Variants in RAF1 observed in about 807,000 individuals in gnomAD.
RAF1 encodes RAF proto-oncogene serine/threonine-protein kinase.
In RAF1, 27 loss-of-function variants were observed where a neutral mutation model predicts 81.1. The ratio of observed to expected loss-of-function variants is 0.33; its 90% confidence interval spans 0.25 to 0.46. The LOEUF is 0.46. RAF1 is among the 20% of genes least tolerant of loss of function. The pLI, the probability that RAF1 is intolerant of heterozygous loss-of-function variation, is 1.00. For synonymous variants in RAF1, 298 were observed against 294.0 expected, an observed-to-expected ratio of 1.01 and a Z score of -0.14; for missense variants, 598 against 826.0, an observed-to-expected ratio of 0.72 and a Z score of 3.38.
At chr3:12,603,285 T>G (rs1204151585) in intron 8 of RAF1, among the ~76,000 whole-genome samples, 1 of 151,864 alleles carries the variant, frequency 6.6e-6, no homozygotes, top group Non-Finnish European at 1.5e-5. Context: ...ACATACAACA[T>G]TTTTTTTACT....
chr3:12,608,329 C>T, intron 5 of RAF1: 1 of 158,742 alleles, frequency 6.3e-6, no homozygotes, highest in Admixed American at 6.1e-5. Flanking sequence ...AAGTTTTCTC[C>T]AGTTTGAAGT....
At chr3:12,623,686 C>G (rs1042843288) in intron 1 of RAF1, among the ~76,000 whole-genome samples, 1 of 151,056 alleles carries the variant, frequency 6.6e-6, no homozygotes, top group South Asian at 2.1e-4. Context: ...CCCAGCTACT[C>G]AGGAGGCTGA....
intron 11 of RAF1, among the ~76,000 whole-genome samples, chr3:12,592,492 C>T (rs906677769): frequency 6.6e-6 from 1 of 152,122 alleles, no homozygotes. Context: ...TGCCCTCTGA[C>T]GTAAATAATT....
intron 1 of RAF1, among the ~76,000 whole-genome samples, chr3:12,640,556 A>G (rs1157302043): frequency 6.6e-6 from 1 of 152,200 alleles, no homozygotes. Context: ...AAAAGTGGGC[A>G]AAGGATATGA....
intron 1 of RAF1, among the ~76,000 whole-genome samples, chr3:12,622,749 T>C (rs1195587393): frequency 6.6e-6 from 1 of 152,208 alleles, no homozygotes; most frequent in Non-Finnish European, 1.5e-5. Flanking sequence ...CTCAAATATT[T>C]ACTAAATTAA....
At chr3:12,615,967 G>A (rs1006588556) in intron 2 of RAF1, among the ~76,000 whole-genome samples, 5 of 152,092 alleles carry the variant, frequency 3.3e-5, no homozygotes, top group Admixed American at 6.5e-5. Context: ...AAGGAGAATC[G>A]CTTGAACCTG....
At chr3:12,621,355 G>A (rs1575605555) in intron 1 of RAF1, among the ~76,000 whole-genome samples, 1 of 152,080 alleles carries the variant, frequency 6.6e-6, no homozygotes, top group South Asian at 2.1e-4. Flanking sequence ...AAAGACCACA[G>A]AATCCAAACC....
At chr3:12,625,447 T>C (rs1173531448) in intron 1 of RAF1, among the ~76,000 whole-genome samples, 1 of 152,158 alleles carries the variant, frequency 6.6e-6, no homozygotes, top group African/African-American at 2.4e-5. Context: ...ACTCTCACAG[T>C]GAAGAGTATA....
intron 3 of RAF1, among the ~76,000 whole-genome samples, chr3:12,610,011 C>G (rs1008700388): frequency 2.6e-5 from 4 of 152,168 alleles, no homozygotes; most frequent in African/African-American, 9.7e-5. Context: ...ATAACAGACT[C>G]AAATCTGTAG....
chr3:12,639,421 G>A (rs1182781857), intron 1 of RAF1, among the ~76,000 whole-genome samples: 1 of 152,126 alleles, frequency 6.6e-6, no homozygotes, highest in South Asian at 2.1e-4. Flanking sequence ...AGGAAAAGAG[G>A]AAGTCAAATT....
At chr3:12,636,873 A>C (rs964547084) in intron 1 of RAF1, among the ~76,000 whole-genome samples, 4 of 152,132 alleles carry the variant, frequency 2.6e-5, no homozygotes, top group African/African-American at 7.2e-5. Context: ...CAACAGTTTC[A>C]TTACATACTA....
intron 1 of RAF1, among the ~76,000 whole-genome samples, chr3:12,634,052 T>C (rs1285099739): frequency 6.6e-6 from 1 of 151,760 alleles, no homozygotes; most frequent in Non-Finnish European, 1.5e-5. Context: ...CTATCTCCAA[T>C]TTACAATAAT....
rs919787294 is a variant in RAF1, at chr3:12,654,420, G to A, written c.-27+9393C>T. Among the ~76,000 whole-genome samples the A allele has an allele frequency of 2.0e-5, 3 of 151,956 alleles. No individual in the cohort carries two copies. In the South Asian group the frequency reaches 6.2e-4, roughly 31 times the overall value. ...ACTTCGACATCAGCCTGGGCAACAT[G>A]GCAAAACCCCATCTCTACAAAAAAT... On this transcript the variant is annotated intron_variant, in intron 1 of 17. Transcript: ENST00000442415.
chr3:12,617,892 A>G (rs867220520), intron 2 of RAF1, among the ~76,000 whole-genome samples: 3 of 137,760 alleles, frequency 2.2e-5, no homozygotes, highest in East Asian at 2.0e-4. Context: ...AAAAAAAAAA[A>G]GAAAAGAAAA....
intron 1 of RAF1, among the ~76,000 whole-genome samples, chr3:12,644,958 G>A (rs182500878): frequency 4.3e-4 from 65 of 151,994 alleles, no homozygotes; most frequent in Non-Finnish European, 7.2e-4. Flanking sequence ...TATTAGCTGG[G>A]CATGGTGGCA....
intron 2 of RAF1, among the ~76,000 whole-genome samples, chr3:12,612,809 G>C (rs919971056): frequency 1.6e-4 from 25 of 152,188 alleles, no homozygotes; most frequent in African/African-American, 5.8e-4. Flanking sequence ...CTAATTTTGT[G>C]TGATTAGAAT....
chr3:12,591,366 A>C (rs2058509892), intron 12 of RAF1, among the ~76,000 whole-genome samples: 1 of 152,070 alleles, frequency 6.6e-6, no homozygotes, highest in Admixed American at 6.5e-5. Context: ...AAATAAGGCA[A>C]CTCAGCTATA....
chr3:12,641,272 T>A (rs575848836), intron 1 of RAF1, among the ~76,000 whole-genome samples: 14 of 150,930 alleles, frequency 9.3e-5, no homozygotes, highest in African/African-American at 3.2e-4. Context: ...GAACAATGAG[T>A]TAACTAGTTA....
Position 12,600,428 on chromosome 3 carries a change from A to C in RAF1, c.895-13T>G. 6.2e-7 allele frequency: 1 copy of C among 1,614,164 alleles called. No homozygotes were observed. ...TTCGAATTGCATCCTGAAACAGAAA[A>C]GGAAAGCTGGTCAACTCCTACACAC... On this transcript the variant is annotated splice_polypyrimidine_tract_variant and intron_variant, in intron 8 of 17. Coordinates refer to ENST00000442415, the MANE Select transcript of RAF1 (RefSeq NM_001354689.3).
Sources: allele counts gnomAD v4.1 joint callset (sites outside exome capture counted in the v4.1 genomes callset), GRCh38; gene constraint gnomAD v4.1.1; transcripts MANE v1.5; gene names NCBI Gene and HGNC (gene_info 2026-07-23, HGNC 2026-07-21).